The following TGFB1I1 variants were observed in gnomAD, a reference collection of about 807,000 sequenced individuals.
The protein encoded by TGFB1I1 is transforming growth factor beta-1-induced transcript 1 protein.
In TGFB1I1, 33 loss-of-function variants were observed where a neutral mutation model predicts 52.0. The observed-to-expected ratio is 0.63, with a 90% CI of 0.48 to 0.85. TGFB1I1 has a LOEUF of 0.85. Ranked by LOEUF, TGFB1I1 falls within the 40% of genes least tolerant of loss-of-function variation. The pLI, the probability that TGFB1I1 is intolerant of heterozygous loss-of-function variation, is 0.00. For synonymous variants in TGFB1I1, 236 were observed against 253.3 expected (o/e 0.93, Z 0.65); for missense variants, 577 against 614.9 (o/e 0.94, Z 0.65).
chr16:31,477,515 C>T lies in TGFB1I1; in HGVS notation c.1325C>T (p.Ser442Phe). 3 of 1,610,006 alleles carry T rather than the reference C, an allele frequency of 1.9e-6. No individual in the cohort carries two copies. The highest frequency in any genetic ancestry group is 1.7e-4 in the Middle Eastern group (1 of 6,058). ...TFCLRPLTKGSFQERAGKPYC... is the reference protein window; with the variant it reads ...TFCLRPLTKGFFQERAGKPYC... ...TGCCTGCGCCCGCTCACCAAGGGGT[C>T]CTTCCAGGAGCGCGCCGGCAAGCCC... Residue 442 changes from serine to phenylalanine, a missense_variant, in exon 11 of 11, where the codon TCC becomes TTC. Transcript: ENST00000394863. This position sits in a 1 kb window ranked among gnomAD's most constrained non-coding sequence, Gnocchi z 4.7.
At position 31,476,492 on chromosome 16, in the gene TGFB1I1, C is replaced by G. The variant is rs148448987; in HGVS notation, c.900C>G (p.Thr300=). ...CTCCCTCCCTGCAGAAGATGGTGAC[C>G]GCCTTGGGCACTCACTGGCACCCAG... ...CNQPIRHKMV[T]ALGTHWHPEH... is the part of the protein sequence containing the mutation. Residue 300 remains threonine (T), a synonymous_variant, in exon 9 of 11, where the codon ACC becomes ACG. Transcript: ENST00000394863. This position sits in a 1 kb window ranked among gnomAD's most constrained non-coding sequence, Gnocchi z 7.6. The G allele has an allele frequency of 6.2e-7, 1 of 1,612,578 alleles. No individual in the cohort carries two copies. The highest frequency in any genetic ancestry group is 1.3e-5 in the African/African-American group (1 of 74,914).
chr16:31,477,480 A>G lies in TGFB1I1; in HGVS notation c.1290A>G (p.Thr430=), dbSNP rs983901151. ...LGRRFHPDHF[T]CTFCLRPLTK... Reference sequence around the variant, plus strand: ...GCCGCTTCCACCCGGACCACTTCACATGCACCTTCTGCCTGCGCCCGCTCA... The same window carrying G: ...GCCGCTTCCACCCGGACCACTTCACGTGCACCTTCTGCCTGCGCCCGCTCA... Residue 430 remains threonine (T), a synonymous_variant, in exon 11 of 11, where the codon ACA becomes ACG. Transcript: ENST00000394863. The surrounding 1 kb of genome is among the most constrained non-coding windows in gnomAD (Gnocchi z 4.7). 2 of 1,605,588 alleles carry G rather than the reference A, an allele frequency of 1.2e-6. No individual in the cohort carries two copies. Among genetic ancestry groups the G allele is most frequent in the African/African-American group, 2.7e-5 (2 of 74,650 alleles).
intron 7 of TGFB1I1, chr16:31,475,087 T>A (rs1456493809): frequency 6.2e-6 from 2 of 320,176 alleles, no homozygotes; most frequent in African/African-American, 4.4e-5. Context: ...AGGCTCTCTC[T>A]TCCTCCGTCA....
chr16:31,477,048 A>C lies in TGFB1I1; in HGVS notation c.1119+38A>C, dbSNP rs1434879616. 1 of 1,511,540 alleles carries C rather than the reference A, an allele frequency of 6.6e-7. No homozygotes were observed. 93.6% of individuals were successfully genotyped at this position (1,511,540 alleles called of 1,614,324 possible). A position where few individuals can be genotyped will look rare whatever the true frequency, so the allele number is the denominator to read the frequency against. ...GGGCGGGGCGTTGGAGGGGCGGGTCAAGGGTACAGGGCTGTGGGGCGGGGC... is the reference window on the plus strand; with the variant it reads ...GGGCGGGGCGTTGGAGGGGCGGGTCCAGGGTACAGGGCTGTGGGGCGGGGC... On this transcript the variant is annotated intron_variant, in intron 10 of 10. Coordinates refer to ENST00000394863, the MANE Select transcript of TGFB1I1 (RefSeq NM_001042454.3). This position sits in a 1 kb window ranked among gnomAD's most constrained non-coding sequence, Gnocchi z 4.7.
chr16:31,472,208 G>A lies in TGFB1I1; in HGVS notation c.13+7G>A, dbSNP rs1373772738. On this transcript the variant is annotated splice_region_variant and intron_variant, in intron 1 of 10. Transcript: ENST00000394863. ...CCCGCCATGGAGGACCTGGGTGAGT[G>A]GGGCCGGATCCCCGGGTCCGTGGCC... 1 of 1,499,364 alleles carries A rather than the reference G, an allele frequency of 6.7e-7. No individual in the cohort carries two copies. 92.9% of individuals were successfully genotyped at this position (1,499,364 alleles called of 1,614,324 possible).
At chr16:31,472,424 C>T in intron 1 of TGFB1I1, 1 of 875,990 alleles carries the variant, frequency 1.1e-6, no homozygotes. Context: ...CTCCTCCATC[C>T]CAGGCTGCGG....
At chr16:31,473,381 A>G (rs1190014500) in intron 1 of TGFB1I1, 60 bp from the exon 2 acceptor site, 2 of 1,562,504 alleles carry the variant, frequency 1.3e-6, no homozygotes, top group Non-Finnish European at 1.8e-6. Flanking sequence ...CCCACTGGGA[A>G]CCTTATCTTC....
rs2082405816 is a variant in TGFB1I1, at chr16:31,473,871, C to A, written c.219C>A (p.Ala73=). 4 of 1,614,040 alleles carry A rather than the reference C, an allele frequency of 2.5e-6. No individual in the cohort carries two copies. Among genetic ancestry groups the A allele is most frequent in the African/African-American group, 1.3e-5 (1 of 74,932 alleles). The change falls in exon 4 of 11, where the codon GCC becomes GCA. Residue 73 remains alanine (A), a synonymous_variant. Transcript: ENST00000394863. ...VCKPRSPKPA[A]PAAPPFSSSS... is the part of the protein sequence containing the mutation. Reference sequence around the variant, plus strand: ...AGCCTCGGTCCCCAAAGCCTGCAGCCCCGGCGGCCCCTCCATTCTCCTCTT... The same window carrying A: ...AGCCTCGGTCCCCAAAGCCTGCAGCACCGGCGGCCCCTCCATTCTCCTCTT...
In TGFB1I1 at chr16:31,476,438, G is replaced by C. The variant is rs201520611; in HGVS notation, c.889-43G>C. 78 of 1,583,528 alleles carry C rather than the reference G, an allele frequency of 4.9e-5. 1 individual carries two copies. In the East Asian group the frequency reaches 1.8e-3, roughly 36 times the overall value. ...GGTTCCGCGCGGGAGAGGAAGGCGC[G>C]AAGGCACGGAGGCCGCGCTGAGTGC... On this transcript the variant is annotated intron_variant, in intron 8 of 10. Coordinates refer to ENST00000394863, the MANE Select transcript of TGFB1I1 (RefSeq NM_001042454.3). The surrounding 1 kb of genome is among the most constrained non-coding windows in gnomAD (Gnocchi z 7.6).
Position 31,476,633 on chromosome 16 carries a change from C to T in TGFB1I1, c.970+71C>T, listed in dbSNP as rs2082425864. 3 of 1,515,040 alleles carry T rather than the reference C, an allele frequency of 2.0e-6. No homozygotes were observed. Among genetic ancestry groups the T allele is most frequent in the Non-Finnish European group, 9.0e-7 (1 of 1,108,090 alleles). 93.8% of individuals were successfully genotyped at this position (1,515,040 alleles called of 1,614,324 possible). On this transcript the variant is annotated intron_variant, in intron 9 of 10. Transcript: ENST00000394863. The surrounding 1 kb of genome is among the most constrained non-coding windows in gnomAD (Gnocchi z 7.6). ...GACGTCTCGCCCCAGCCCCTCCGAC[C>T]TCCGGAGTCCTCAGGGCCATGGTTT...
intron 7 of TGFB1I1, chr16:31,475,741 A>G (rs1338747619): frequency 2.5e-6 from 1 of 395,476 alleles, no homozygotes; most frequent in African/African-American, 2.1e-5. Flanking sequence ...TTTGATTTTA[A>G]AAAAATTAAA....
In TGFB1I1 at chr16:31,476,732, C is replaced by G; in HGVS notation, c.971-130C>G. 1 of 1,505,234 alleles carries G rather than the reference C, an allele frequency of 6.6e-7. No homozygotes were observed. The highest frequency in any genetic ancestry group is 9.0e-7 in the Non-Finnish European group (1 of 1,116,854). The allele number at this position is 1,505,234 out of a possible 1,614,324, so 93.2% of individuals were successfully genotyped here. A position where few individuals can be genotyped will look rare whatever the true frequency, so the allele number is the denominator to read the frequency against. On this transcript the variant is annotated intron_variant, in intron 9 of 10. Transcript: ENST00000394863. This position sits in a 1 kb window ranked among gnomAD's most constrained non-coding sequence, Gnocchi z 7.6. ...CCGAGCCCTCCCCGCTCTGTCCCGC[C>G]ATAGACCCGGCTCCTCCTTCCCCAA...
chr16:31,474,933 AG>A lies in TGFB1I1; in HGVS notation c.714+179del. The A allele has an allele frequency of 1.5e-6, 1 of 669,526 alleles. No homozygotes were observed. The highest frequency in any genetic ancestry group is 2.5e-6 in the Non-Finnish European group (1 of 401,028). The allele number at this position is 669,526 out of a possible 1,614,324, so 41.5% of individuals were successfully genotyped here. A position where few individuals can be genotyped will look rare whatever the true frequency, so the allele number is the denominator to read the frequency against. ...CTGAACCACACAGCAGGTTAGTGGT[AG>A]GGTGAAAATTCCAACCATGTTACCA... On this transcript the variant is annotated intron_variant, in intron 7 of 10. Transcript: ENST00000394863. This position sits in a 1 kb window ranked among gnomAD's most constrained non-coding sequence, Gnocchi z 4.2.
chr16:31,475,807 C>A, intron 7 of TGFB1I1: 1 of 545,002 alleles, frequency 1.8e-6, no homozygotes, highest in Non-Finnish European at 3.2e-6. Flanking sequence ...GCCTGCTGTG[C>A]CTCATGTATA....
At position 31,477,866 on chromosome 16, in the gene TGFB1I1, C is replaced by G. The variant is rs1055561044; in HGVS notation, c.*290C>G. ...TGGGGGAGGGTCCTTGCAATTCCAG[C>G]GAATCGGAGGCCAGGCCAGGACGTC... On this transcript the variant is annotated 3_prime_UTR_variant, in exon 11 of 11. Transcript: ENST00000394863. The surrounding 1 kb of genome is among the most constrained non-coding windows in gnomAD (Gnocchi z 4.7). 1 of 476,522 alleles carries G rather than the reference C, an allele frequency of 2.1e-6. No individual in the cohort carries two copies. The highest frequency in any genetic ancestry group is 2.0e-5 in the African/African-American group (1 of 50,316). 29.5% of individuals were successfully genotyped at this position (476,522 alleles called of 1,614,324 possible). A position where few individuals can be genotyped will look rare whatever the true frequency, so the allele number is the denominator to read the frequency against.
chr16:31,476,104 G>C lies in TGFB1I1; in HGVS notation c.807G>C (p.Lys269Asn), dbSNP rs1390607787. The C allele has an allele frequency of 5.6e-6, 9 of 1,613,790 alleles. No homozygotes were observed. Among genetic ancestry groups the C allele is most frequent in the Non-Finnish European group, 7.6e-6 (9 of 1,179,996 alleles). ...TALGGSSFFE[K>N]DGAPFCPECY... ...TGGGAGGCAGCAGCTTCTTCGAGAA[G>C]GATGGAGCCCCCTTCTGCCCCGAGT... is the stretch of plus-strand genomic sequence containing the variant. Residue 269 changes from lysine to asparagine, a missense_variant, in exon 8 of 11, where the codon AAG becomes AAC. By Grantham distance (94) the Lys-to-Asn change is moderately conservative. This residue lies in a region of TGFB1I1 where 456 missense variants were observed against 461.6 expected (regional missense o/e 0.99). Transcript: ENST00000394863. This position sits in a 1 kb window ranked among gnomAD's most constrained non-coding sequence, Gnocchi z 7.6.
intron 1 of TGFB1I1, chr16:31,472,427 GGCT>G: frequency 5.8e-6 from 5 of 856,050 alleles, no homozygotes; most frequent in Non-Finnish European, 7.7e-6. Context: ...CTCCATCCCA[GGCT>G]GCGGCAGATG....
At position 31,477,586 on chromosome 16, in the gene TGFB1I1, C is replaced by A; in HGVS notation, c.*10C>A. 1.3e-6 allele frequency: 2 copies of A among 1,590,934 alleles called. No homozygotes were observed. Among genetic ancestry groups the A allele is most frequent in the Non-Finnish European group, 1.7e-6 (2 of 1,169,940 alleles). On this transcript the variant is annotated 3_prime_UTR_variant, in exon 11 of 11. Transcript: ENST00000394863. This position sits in a 1 kb window ranked among gnomAD's most constrained non-coding sequence, Gnocchi z 4.7. ...GAAGCTCTTCGGCTGACAGCCCGCT[C>A]GGCTCGCCCTCTCCCCCGGAGGCCG... is the stretch of plus-strand genomic sequence containing the variant.
In TGFB1I1 at chr16:31,473,912, G is replaced by A; in HGVS notation, c.260G>A (p.Gly87Asp). 1 of 1,614,066 alleles carries A rather than the reference G, an allele frequency of 6.2e-7. No individual in the cohort carries two copies. Among genetic ancestry groups the A allele is most frequent in the Admixed American group, 1.7e-5 (1 of 60,012 alleles). ...TTCTCCTCTTCCAGCGGTGTCTTGG[G>A]TACCGGGCTCTGTGAGCTAGATCGG... ...PPFSSSSGVL[G>D]TGLCELDRLL... Residue 87 changes from glycine to aspartate, a missense_variant, in exon 4 of 11, where the codon GGT becomes GAT. Physicochemically the swap from Gly to Asp is moderately conservative, Grantham distance 94. Around this residue, in one of 3 missense-constraint regions of TGFB1I1, gnomAD observed 113 missense variants for 123.9 expected, o/e 0.91. Transcript: ENST00000394863.
Sources: gnomAD v4.1 joint callset for allele counts on GRCh38, gnomAD v4.1.1 for gene constraint, gnomAD v4.1.1 regional missense constraint, Gnocchi (gnomAD v3.1) non-coding constraint, MANE v1.5 for transcripts, NCBI Gene and HGNC (gene_info 2026-07-23, HGNC 2026-07-21) for gene names.